Variants in PAPPA observed in about 807,000 individuals in gnomAD.
PAPPA encodes the protein pappalysin-1.
PAPPA carries 60 observed loss-of-function variants against 164.0 expected under a neutral mutation model. That is an observed-to-expected ratio of 0.37 (90% CI 0.30 to 0.45). PAPPA has a LOEUF of 0.45. Among genes scored for constraint, PAPPA ranks in the 20% least tolerant of loss-of-function variants. The pLI is 1.00. For missense variants in PAPPA, 1,782 were observed against 2,087.3 expected (o/e 0.85, Z 2.85); for synonymous variants, 875 against 814.1 (o/e 1.07, Z -1.27).
Position 116,344,683 on chromosome 9 carries a change from G to T in PAPPA, c.3752G>T (p.Arg1251Leu). Residue 1251 changes from arginine (R) to leucine (L), a missense_variant, in exon 14 of 22, where the codon CGG becomes CTG. Coordinates refer to ENST00000328252, the MANE Select transcript of PAPPA (RefSeq NM_002581.5). ...SCRTGYVLQI[R>L]RDDELIKSQT... ...CGGACAGGCTACGTGCTCCAGATAC[G>T]GCGGGATGATGAGCTGATCAAGAGC... 6.2e-7 allele frequency: 1 copy of T among 1,614,086 alleles called. No homozygotes were observed. Among genetic ancestry groups the T allele is most frequent in the Admixed American group, 1.7e-5 (1 of 60,022 alleles).
At chr9:116,343,424 C>G (rs1430796717) in intron 13 of PAPPA, among the ~76,000 whole-genome samples, 1 of 152,090 alleles carries the variant, frequency 6.6e-6, no homozygotes, top group Non-Finnish European at 1.5e-5. Context: ...GGGTGCTTGC[C>G]GAGGGACACA....
At chr9:116,243,887 T>A (rs1343194217) in intron 7 of PAPPA, among the ~76,000 whole-genome samples, 1 of 152,012 alleles carries the variant, frequency 6.6e-6, no homozygotes, top group Non-Finnish European at 1.5e-5. Context: ...CCAGCATGGT[T>A]TTGCCTACAT....
intron 19 of PAPPA, among the ~76,000 whole-genome samples, chr9:116,376,648 T>A (rs1337265751): frequency 2.0e-5 from 3 of 152,260 alleles, no homozygotes; most frequent in Admixed American, 6.6e-5. Flanking sequence ...ATCTTCATCA[T>A]AATTATTATT....
intron 21 of PAPPA, among the ~76,000 whole-genome samples, chr9:116,387,776 C>G (rs1436968631): frequency 6.6e-6 from 1 of 152,176 alleles, no homozygotes; most frequent in Non-Finnish European, 1.5e-5. Context: ...AGATGCAAAC[C>G]AAGAGAATTC....
intron 1 of PAPPA, among the ~76,000 whole-genome samples, chr9:116,181,927 C>T (rs932371987): frequency 1.7e-4 from 26 of 152,240 alleles, no homozygotes; most frequent in African/African-American, 6.3e-4. Context: ...AGCCTCCTGG[C>T]TTTCAATTCA....
chr9:116,169,306 C>T (rs1317094171), intron 1 of PAPPA, among the ~76,000 whole-genome samples: 1 of 74,948 alleles, frequency 1.3e-5, no homozygotes, highest in African/African-American at 3.7e-5. Flanking sequence ...TCTCCAAACC[C>T]ATTCTTTTTT....
At chr9:116,221,129 A>G (rs1844440893) in intron 5 of PAPPA, among the ~76,000 whole-genome samples, 1 of 152,090 alleles carries the variant, frequency 6.6e-6, no homozygotes, top group South Asian at 2.1e-4. Flanking sequence ...ACTGGGTCTA[A>G]TGATACTACA....
intron 8 of PAPPA, among the ~76,000 whole-genome samples, chr9:116,266,284 C>T (rs1329748307): frequency 1.3e-5 from 2 of 152,200 alleles, no homozygotes; most frequent in African/African-American, 4.8e-5. Context: ...ATGTGTGCTA[C>T]AAGGATTCCA....
intron 7 of PAPPA, among the ~76,000 whole-genome samples, chr9:116,252,715 ATT>A (rs1273105281): frequency 6.6e-6 from 1 of 152,194 alleles, no homozygotes; most frequent in Non-Finnish European, 1.5e-5. Context: ...TCACTTGATG[ATT>A]CAAGCCCCAA....
intron 10 of PAPPA, among the ~76,000 whole-genome samples, chr9:116,327,964 A>G (rs1017968819): frequency 6.6e-6 from 1 of 152,212 alleles, no homozygotes; most frequent in African/African-American, 2.4e-5. Flanking sequence ...CTTGAAACAA[A>G]CACAAAACAA....
Position 116,220,033 on chromosome 9 carries a change from C to T in PAPPA, c.2015C>T (p.Pro672Leu). Reference protein sequence around the residue: ...VYQGWQPSRKPAPVALAPQVL... With the variant: ...VYQGWQPSRKLAPVALAPQVL... ...CAGGGCTGGCAGCCCTCCAGGAAAC[C>T]AGCGCCTGTTGCCCTCGCCCCCCAA... Residue 672 changes from proline to leucine, a missense_variant, in exon 5 of 22, where the codon CCA (proline) becomes CTA (leucine). Pro to Leu is a moderately conservative substitution (Grantham distance 98, BLOSUM62 -3). Around this residue, in one of 2 missense-constraint regions of PAPPA, gnomAD observed 1,324 missense variants for 1,656.9 expected, o/e 0.80. Coordinates refer to ENST00000328252, the MANE Select transcript of PAPPA (RefSeq NM_002581.5). 6.2e-7 allele frequency: 1 copy of T among 1,614,106 alleles called. No individual in the cohort carries two copies. Among genetic ancestry groups the T allele is most frequent in the Non-Finnish European group, 8.5e-7 (1 of 1,179,998 alleles).
chr9:116,276,435 G>C (rs576134574), intron 9 of PAPPA, among the ~76,000 whole-genome samples: 1 of 152,280 alleles, frequency 6.6e-6, no homozygotes, highest in African/African-American at 2.4e-5. Context: ...GTTGGGTCCA[G>C]TTCCCAGTTT....
At chr9:116,270,801 G>A (rs1845126935) in intron 8 of PAPPA, among the ~76,000 whole-genome samples, 1 of 151,754 alleles carries the variant, frequency 6.6e-6, no homozygotes, top group South Asian at 2.1e-4. Flanking sequence ...GATGGAGAAA[G>A]CAAAACTTTC....
Position 116,188,031 on chromosome 9 carries a change from G to A in PAPPA, c.1293G>A (p.Thr431=), listed in dbSNP as rs376541427. 8.1e-6 allele frequency: 13 copies of A among 1,614,196 alleles called. No individual in the cohort carries two copies. The African/African-American group carries it at 1.1e-4, about 13-fold the overall frequency. Reference sequence around the variant, plus strand: ...ACTGTGACCCCGAGTGCAACCACACGCTGACGGGCCACGACGGCGGGGATT... The same window carrying A: ...ACTGTGACCCCGAGTGCAACCACACACTGACGGGCCACGACGGCGGGGATT... The part of the protein sequence containing the change: ...DENCDPECNH[T]LTGHDGGDCR... The change falls in exon 2 of 22, where the codon ACG becomes ACA. Residue 431 remains threonine, a synonymous_variant. Coordinates refer to ENST00000328252, the MANE Select transcript of PAPPA (RefSeq NM_002581.5).
At chr9:116,225,806 TATCCATCCATCC>T (rs376275323) in intron 5 of PAPPA, among the ~76,000 whole-genome samples, 4,297 of 151,404 alleles carry the variant, frequency 0.028, 72 homozygotes, top group Middle Eastern at 0.078. Flanking sequence ...AAGTGACTGG[TATCCATCCATCC>T]ATCCATCCAT....
At chr9:116,193,140 TA>T (rs1184918688) in intron 2 of PAPPA, among the ~76,000 whole-genome samples, 7 of 151,496 alleles carry the variant, frequency 4.6e-5, no homozygotes, top group African/African-American at 9.8e-5. Context: ...TTTTTATTAT[TA>T]TTTTTTTGAA....
chr9:116,382,567 C>A, intron 21 of PAPPA, 74 bp downstream of exon 21: 1 of 868,426 alleles, frequency 1.2e-6, no homozygotes, highest in Non-Finnish European at 2.0e-6. Context: ...ATCACTCCTT[C>A]ATGGCTGGAC....
intron 9 of PAPPA, among the ~76,000 whole-genome samples, chr9:116,284,056 G>A (rs541690340): frequency 1.3e-5 from 2 of 152,176 alleles, no homozygotes; most frequent in South Asian, 2.1e-4. Context: ...CATCACATAG[G>A]CTTTTATTTA....
chr9:116,387,485 C>T (rs1267387973), intron 21 of PAPPA, among the ~76,000 whole-genome samples: 5 of 152,124 alleles, frequency 3.3e-5, no homozygotes, highest in Admixed American at 6.5e-5. Context: ...ATGATCTTTC[C>T]ACCTCAGCCT....
Sources: allele counts gnomAD v4.1 joint callset (sites outside exome capture counted in the v4.1 genomes callset), GRCh38; gene constraint gnomAD v4.1.1; regional missense constraint gnomAD v4.1.1; transcripts MANE v1.5; gene names NCBI Gene and HGNC (gene_info 2026-07-23, HGNC 2026-07-21).